Variants in SEL1L3 observed in about 807,000 individuals in gnomAD.
The protein encoded by SEL1L3 is protein sel-1 homolog 3.
A neutral mutation model predicts 142.8 loss-of-function variants in SEL1L3; 76 were observed. The observed-to-expected ratio is 0.53, with a 90% CI of 0.44 to 0.64. The LOEUF is 0.64. SEL1L3 is among the 30% of genes least tolerant of loss of function. The pLI, the probability that SEL1L3 is intolerant of heterozygous loss-of-function variation, is 0.00. For synonymous variants in SEL1L3, 504 were observed against 519.6 expected (o/e 0.97, Z 0.41); for missense variants, 1,262 against 1,381.7 (o/e 0.91, Z 1.37).
chr4:25,810,831 G>A (rs572425482), intron 9 of SEL1L3, among the ~76,000 whole-genome samples: 7 of 152,368 alleles, frequency 4.6e-5, no homozygotes, highest in African/African-American at 1.7e-4. Context: ...GAGGCAGCAA[G>A]GGGACTCGGC....
At chr4:25,796,700 G>A (rs1351715866) in intron 11 of SEL1L3, among the ~76,000 whole-genome samples, 8 of 151,918 alleles carry the variant, frequency 5.3e-5, no homozygotes, top group Admixed American at 2.6e-4. Flanking sequence ...GCTGAGGTAT[G>A]AGCCCGGGAG....
chr4:25,761,167 GAA>G (rs1192341934), intron 20 of SEL1L3, among the ~76,000 whole-genome samples: 1 of 151,936 alleles, frequency 6.6e-6, no homozygotes, highest in East Asian at 1.9e-4. Flanking sequence ...TAAGAGAAAA[GAA>G]AAAAATGGCT....
At chr4:25,862,637 G>T in intron 1 of SEL1L3, 38 bp downstream of exon 1, 2 of 1,171,380 alleles carry the variant, frequency 1.7e-6, no homozygotes, top group African/African-American at 1.6e-5. Flanking sequence ...CCGGGGCCCC[G>T]CGCGGAGGGG....
the SEL1L3 span, among the ~76,000 whole-genome samples, chr4:25,727,102 G>T: frequency 3.3e-5 from 5 of 151,760 alleles, no homozygotes; most frequent in Non-Finnish European, 7.4e-5. Flanking sequence ...ACCCAGGCTG[G>T]AGTGCAATGG....
At chr4:25,756,336 A>C in intron 23 of SEL1L3, 3 of 985,354 alleles carry the variant, frequency 3.0e-6, no homozygotes, top group Non-Finnish European at 3.6e-6. Context: ...AAATGACACG[A>C]CTGGGGCCTT....
Position 25,788,429 on chromosome 4 carries a change from A to C in SEL1L3, c.2077-65T>G. On this transcript the variant is annotated intron_variant, in intron 12 of 23. Coordinates refer to ENST00000399878, the MANE Select transcript of SEL1L3 (RefSeq NM_015187.5). The surrounding 1 kb of genome is among the most constrained non-coding windows in gnomAD (Gnocchi z 5.3). ...TATAATGCTTAACACAAGATTTTGA[A>C]AGGTGGGAGAGCAAACCTACTTTAC... The C allele has an allele frequency of 6.5e-7, 1 of 1,542,614 alleles. No homozygotes were observed.
Position 25,818,084 on chromosome 4 carries a change from A to G in SEL1L3, c.1564+54T>C. Reference sequence around the variant, plus strand: ...CCAAAGAGGGTGAGTGAAACAGAGAAAAACAAGGAGCCTTTCTAACCAGCG... The same window carrying G: ...CCAAAGAGGGTGAGTGAAACAGAGAGAAACAAGGAGCCTTTCTAACCAGCG... On this transcript the variant is annotated intron_variant, in intron 9 of 23. Coordinates refer to ENST00000399878, the MANE Select transcript of SEL1L3 (RefSeq NM_015187.5). 5 of 1,571,230 alleles carry G rather than the reference A, an allele frequency of 3.2e-6. No individual in the cohort carries two copies. In the South Asian group the frequency reaches 3.6e-5, roughly 11 times the overall value.
At position 25,862,815 on chromosome 4, in the gene SEL1L3, G is replaced by A. The variant is rs1717823422; in HGVS notation, c.22C>T (p.Leu8Phe). Residue 8 changes from leucine (L) to phenylalanine (F), a missense_variant, in exon 1 of 24, where the codon CTC becomes TTC. Physicochemically the swap from Leu to Phe is conservative, Grantham distance 22. This residue lies in a region of SEL1L3 where 689 missense variants were observed against 692.8 expected (regional missense o/e 0.99). Transcript: ENST00000399878. ...TGCTGCTGCTGCCGCGGCCACCCGA[G>A]CCCCGCGCCGCGCCGCTGCATGGCG... Reference protein sequence around the residue: MQRRGAGLGWPRQQQQQP... With the variant: MQRRGAGFGWPRQQQQQP... 2 of 1,144,442 alleles carry A rather than the reference G, an allele frequency of 1.7e-6. No homozygotes were observed. The highest frequency in any genetic ancestry group is 4.2e-5 in the South Asian group (1 of 23,548). 70.9% of individuals were successfully genotyped at this position (1,144,442 alleles called of 1,614,324 possible).
At chr4:25,820,818 T>C (rs767652377) in intron 7 of SEL1L3, among the ~76,000 whole-genome samples, 2 of 152,216 alleles carry the variant, frequency 1.3e-5, no homozygotes, top group Non-Finnish European at 2.9e-5. Flanking sequence ...CCTGCTCTTG[T>C]CACCCAGGCT....
intron 23 of SEL1L3, among the ~76,000 whole-genome samples, chr4:25,750,562 T>C (rs901451520): frequency 3.9e-5 from 6 of 152,228 alleles, no homozygotes; most frequent in African/African-American, 1.2e-4. Context: ...CTACTTCATC[T>C]GGGCCTCTGG....
At chr4:25,830,522 T>C (rs559943425) in intron 5 of SEL1L3, among the ~76,000 whole-genome samples, 1 of 152,288 alleles carries the variant, frequency 6.6e-6, no homozygotes, top group Non-Finnish European at 1.5e-5. Context: ...TCTGATTCCA[T>C]CAGAGCCTTA....
chr4:25,740,641 G>T, the SEL1L3 span, among the ~76,000 whole-genome samples: 217 of 152,104 alleles, frequency 1.4e-3, no homozygotes, highest in Non-Finnish European at 2.0e-3. Flanking sequence ...CTCATACTTG[G>T]GAGTGGGCTT....
intron 11 of SEL1L3, among the ~76,000 whole-genome samples, chr4:25,798,036 G>C (rs1265510366): frequency 6.6e-6 from 1 of 152,212 alleles, no homozygotes; most frequent in Non-Finnish European, 1.5e-5. Context: ...CCAGTAAGCA[G>C]ACAGGCAAGG....
chr4:25,746,586 T>C (rs1242606214), downstream of SEL1L3, among the ~76,000 whole-genome samples: 1 of 142,516 alleles, frequency 7.0e-6, no homozygotes, highest in East Asian at 2.0e-4. Context: ...TATATATAGA[T>C]AGATATAGAT....
downstream of SEL1L3, among the ~76,000 whole-genome samples, chr4:25,743,990 A>C (rs1356298100): frequency 6.6e-6 from 1 of 152,194 alleles, no homozygotes; most frequent in African/African-American, 2.4e-5. Flanking sequence ...CCGGACCCAG[A>C]TCATACAGCC....
chr4:25,855,972 A>T (rs1448135681), intron 1 of SEL1L3, among the ~76,000 whole-genome samples: 2 of 151,996 alleles, frequency 1.3e-5, no homozygotes, highest in Admixed American at 6.6e-5. Context: ...ACCCTTTGGC[A>T]CCTCATTGGT....
chr4:25,838,863 T>C (rs1212985373), intron 2 of SEL1L3, among the ~76,000 whole-genome samples: 1 of 152,226 alleles, frequency 6.6e-6, no homozygotes, highest in Non-Finnish European at 1.5e-5. Context: ...ATCAGAACCC[T>C]GACACAGATC....
At chr4:25,758,542 G>A (rs1718150475) in intron 21 of SEL1L3, among the ~76,000 whole-genome samples, 1 of 152,082 alleles carries the variant, frequency 6.6e-6, no homozygotes, top group Non-Finnish European at 1.5e-5. Context: ...GAAATTTCTG[G>A]TCAGCCCTTG....
At chr4:25,769,237 A>G (rs1018924800) in intron 17 of SEL1L3, among the ~76,000 whole-genome samples, 12 of 152,198 alleles carry the variant, frequency 7.9e-5, no homozygotes, top group Non-Finnish European at 1.5e-5. Context: ...TAAACTGCTA[A>G]AAGCAGCTTC....
Sources: allele counts gnomAD v4.1 joint callset (sites outside exome capture counted in the v4.1 genomes callset), GRCh38; gene constraint gnomAD v4.1.1; regional missense constraint gnomAD v4.1.1; non-coding constraint Gnocchi (gnomAD v3.1); transcripts MANE v1.5; gene names NCBI Gene and HGNC (gene_info 2026-07-23, HGNC 2026-07-21).